Variants in ZBTB7C observed in about 807,000 individuals in gnomAD.
ZBTB7C encodes zinc finger and BTB domain containing 7C.
Under a neutral mutation model 25.7 loss-of-function variants are expected in ZBTB7C, and 8 were observed. That is an observed-to-expected ratio of 0.31 (90% confidence interval 0.18 to 0.56). ZBTB7C has a LOEUF of 0.56. Ranked by LOEUF, ZBTB7C falls within the 20% of genes least tolerant of loss-of-function variation. ZBTB7C has a pLI of 0.91. For synonymous variants in ZBTB7C, 394 were observed against 369.0 expected (o/e 1.07, Z -0.78); for missense variants, 824 against 855.2 (o/e 0.96, Z 0.46).
rs184687955 is a variant in ZBTB7C at position 48,103,753 on chromosome 18, A to G, written c.-16-62630T>C. ...CCATACATTGGGATATTATTTGGCA[A>G]TAAGAAGGAATGAAGCACTGTTCCA... On this transcript the variant is annotated intron_variant, in intron 3 of 4. Coordinates refer to ENST00000590800, the MANE Select transcript of ZBTB7C (RefSeq NM_001318841.2). 3.9e-3 allele frequency among the ~76,000 whole-genome samples: 589 copies of G among 152,328 alleles called. 4 individuals are homozygous for G. Among genetic ancestry groups the G allele is most frequent in the African/African-American group, 0.013 (537 of 41,570 alleles).
intron 3 of ZBTB7C, among the ~76,000 whole-genome samples, chr18:48,091,838 C>G (rs1241791073): frequency 6.6e-6 from 1 of 152,222 alleles, no homozygotes; most frequent in East Asian, 1.9e-4. Flanking sequence ...ATGATACCTT[C>G]AGAGGCCACT....
At chr18:48,198,063 G>A (rs781166398) in intron 2 of ZBTB7C, among the ~76,000 whole-genome samples, 17 of 152,166 alleles carry the variant, frequency 1.1e-4, no homozygotes, top group Non-Finnish European at 2.1e-4. Flanking sequence ...CACAAGATAC[G>A]ATTTCCCTTC....
At chr18:48,126,058 A>G (rs545723566) in intron 3 of ZBTB7C, among the ~76,000 whole-genome samples, 74 of 152,302 alleles carry the variant, frequency 4.9e-4, no homozygotes, top group African/African-American at 1.7e-3. Flanking sequence ...TCAGGGATAC[A>G]TCATTTTTTA....
intron 3 of ZBTB7C, among the ~76,000 whole-genome samples, chr18:48,070,179 G>A (rs1306496522): frequency 6.6e-6 from 1 of 152,220 alleles, no homozygotes; most frequent in Non-Finnish European, 1.5e-5. Flanking sequence ...TAGTAAGCAG[G>A]TCTGTGTGCC....
chr18:48,409,850 G>A (rs576466404), upstream of ZBTB7C, among the ~76,000 whole-genome samples: 35 of 146,598 alleles, frequency 2.4e-4, no homozygotes, highest in African/African-American at 9.3e-4. Context: ...CCCCGGCAGA[G>A]GCGAGGGGGC....
At chr18:48,058,893 A>G (rs898554842) in intron 3 of ZBTB7C, among the ~76,000 whole-genome samples, 1 of 152,168 alleles carries the variant, frequency 6.6e-6, no homozygotes, top group East Asian at 1.9e-4. Context: ...CCTCCCATCA[A>G]CGGCCAGCAC....
At chr18:48,231,763 C>T (rs575700424) in intron 2 of ZBTB7C, among the ~76,000 whole-genome samples, 16 of 152,340 alleles carry the variant, frequency 1.1e-4, no homozygotes, top group East Asian at 1.9e-4. Context: ...AGAAGAGCTG[C>T]GGCCCTTTGG....
intron 3 of ZBTB7C, among the ~76,000 whole-genome samples, chr18:48,141,559 CTGGG>C (rs2040349594): frequency 1.3e-5 from 2 of 151,890 alleles, no homozygotes; most frequent in African/African-American, 4.8e-5. Context: ...AATTCGTGAA[CTGGG>C]CGGGGGGGAA....
chr18:48,324,948 A>C (rs1285033199), intron 2 of ZBTB7C, among the ~76,000 whole-genome samples: 1 of 152,174 alleles, frequency 6.6e-6, no homozygotes, highest in African/African-American at 2.4e-5. Context: ...GTGATGCGAG[A>C]GGGTGCGTAG....
intron 3 of ZBTB7C, among the ~76,000 whole-genome samples, chr18:48,177,757 T>C (rs984049173): frequency 2.0e-5 from 3 of 152,102 alleles, no homozygotes; most frequent in Non-Finnish European, 4.4e-5. Flanking sequence ...ACTCTGCTCT[T>C]CTTGTGCCCT....
At chr18:48,046,331 A>G (rs960633970) in intron 3 of ZBTB7C, among the ~76,000 whole-genome samples, 1 of 152,170 alleles carries the variant, frequency 6.6e-6, no homozygotes. Flanking sequence ...AAGCAAATGT[A>G]TTGAGGAAGT....
intron 2 of ZBTB7C, among the ~76,000 whole-genome samples, chr18:48,242,737 A>T (rs2043563016): frequency 6.6e-6 from 1 of 152,172 alleles, no homozygotes; most frequent in South Asian, 2.1e-4. Flanking sequence ...CGCACAGCCA[A>T]TATTATACTG....
Position 48,174,739 on chromosome 18 carries a change from G to A in ZBTB7C, c.-17+11195C>T, listed in dbSNP as rs974345538. On this transcript the variant is annotated intron_variant, in intron 3 of 4. Coordinates refer to ENST00000590800, the MANE Select transcript of ZBTB7C (RefSeq NM_001318841.2). ...GAAGACCTCTATGGGCTGATATGAA[G>A]TGACTGCCAGGAAATATTACTGAAT... 2.0e-5 allele frequency among the ~76,000 whole-genome samples: 3 copies of A among 152,206 alleles called. No homozygotes were observed. In the East Asian group the frequency reaches 5.8e-4, roughly 29 times the overall value.
chr18:48,206,604 G>C (rs904298188), intron 2 of ZBTB7C, among the ~76,000 whole-genome samples: 8 of 152,176 alleles, frequency 5.3e-5, no homozygotes, highest in South Asian at 2.1e-4. Context: ...AGGCTGCAGT[G>C]AGCTGTGATC....
At chr18:48,316,901 G>T (rs1419592532) in intron 2 of ZBTB7C, among the ~76,000 whole-genome samples, 1 of 152,188 alleles carries the variant, frequency 6.6e-6, no homozygotes, top group South Asian at 2.1e-4. Context: ...CTGTAAAATG[G>T]GGATATGTGT....
At chr18:48,246,020 C>T (rs1235164830) in intron 2 of ZBTB7C, among the ~76,000 whole-genome samples, 1 of 152,060 alleles carries the variant, frequency 6.6e-6, no homozygotes, top group Non-Finnish European at 1.5e-5. Flanking sequence ...AGTACATTTT[C>T]ACTATAATAT....
rs112376457 is a variant in ZBTB7C, at chr18:48,357,366, G to A, written c.-303-18968C>T. 1.3e-3 allele frequency among the ~76,000 whole-genome samples: 197 copies of A among 152,316 alleles called. 1 individual carries two copies. Among genetic ancestry groups the A allele is most frequent in the African/African-American group, 4.7e-3 (194 of 41,574 alleles). On this transcript the variant is annotated intron_variant, in intron 1 of 4. Transcript: ENST00000590800. The stretch of plus-strand genomic sequence containing the variant: ...CTCAGCCAGGCCCGGGAGAAACACA[G>A]CTGGGAACTGGGACGCAGAGCTCAC...
At position 48,238,958 on chromosome 18, in the gene ZBTB7C, G is replaced by A. The variant is rs549488943; in HGVS notation, c.-78-52963C>T. Among the ~76,000 whole-genome samples, 6 of 152,252 alleles carry A rather than the reference G, an allele frequency of 3.9e-5. No individual in the cohort carries two copies. In the South Asian group the frequency reaches 1.0e-3, roughly 26 times the overall value. On this transcript the variant is annotated intron_variant, in intron 2 of 4. Coordinates refer to ENST00000590800, the MANE Select transcript of ZBTB7C (RefSeq NM_001318841.2). ...CAGTTTGGTACTGTTGGTGGGGCAC[G>A]GTGGGAGTGAGACTGGCCTTGCTGG...
intron 3 of ZBTB7C, among the ~76,000 whole-genome samples, chr18:48,135,444 T>C (rs756442180): frequency 1.3e-5 from 2 of 152,102 alleles, no homozygotes; most frequent in East Asian, 3.9e-4. Context: ...ACCTGGACAA[T>C]GTATTTAACC....
Sources: gnomAD v4.1 joint callset for allele counts (sites outside exome capture counted in the v4.1 genomes callset) on GRCh38, gnomAD v4.1.1 for gene constraint, MANE v1.5 for transcripts, NCBI Gene and HGNC (gene_info 2026-07-23, HGNC 2026-07-21) for gene names.